Variants in SPEN observed in about 807,000 individuals in gnomAD.
SPEN encodes spen family transcriptional repressor.
SPEN carries 18 observed loss-of-function variants against 269.9 expected under a neutral mutation model. That is an observed-to-expected ratio of 0.07 (90% CI 0.05 to 0.10). The LOEUF is 0.10. SPEN is among the 10% of genes least tolerant of loss of function. SPEN has a pLI of 1.00. For synonymous variants in SPEN, 1,726 were observed against 1,765.7 expected, an observed-to-expected ratio of 0.98 and a Z score of 0.56; for missense variants, 3,822 against 4,631.2, an observed-to-expected ratio of 0.83 and a Z score of 5.07.
At chr1:15,902,962 TA>T (rs549279316) in intron 3 of SPEN, among the ~76,000 whole-genome samples, 6 of 149,182 alleles carry the variant, frequency 4.0e-5, no homozygotes, top group Non-Finnish European at 6.0e-5. Context: ...CTTCCAGCTT[TA>T]AAAAAAAAAC....
intron 3 of SPEN, among the ~76,000 whole-genome samples, chr1:15,880,660 T>A (rs1249533871): frequency 1.3e-5 from 2 of 152,066 alleles, no homozygotes; most frequent in Non-Finnish European, 2.9e-5. Context: ...TTTCACTACA[T>A]TGGCTAGGCT....
chr1:15,909,538 A>G, intron 4 of SPEN, 57 bp downstream of exon 4: 6 of 1,473,680 alleles, frequency 4.1e-6, no homozygotes, highest in Non-Finnish European at 4.6e-6. Context: ...ATGAGGTATG[A>G]TACTGCATTA....
rs781507353 is a variant in SPEN, at chr1:15,929,120, C to T, written c.2880C>T (p.Ala960=). ...TGGAGAAGGAAGGCAGGCTTAAAGC[C>T]AGGAAGCACCTCAAGCCTGAGCAGC... ...EVVEKEGRLK[A]RKHLKPEQPA... is the part of the protein sequence containing the mutation. The change falls in exon 11 of 15, where the codon GCC becomes GCT. Residue 960 remains alanine, a synonymous_variant. Coordinates refer to ENST00000375759, the MANE Select transcript of SPEN (RefSeq NM_015001.3). The surrounding 1 kb of genome is among the most constrained non-coding windows in gnomAD (Gnocchi z 5.8). 1 of 1,614,150 alleles carries T rather than the reference C, an allele frequency of 6.2e-7. No homozygotes were observed. The highest frequency in any genetic ancestry group is 2.2e-5 in the East Asian group (1 of 44,886).
chr1:15,921,742 T>C (rs2071121838), intron 9 of SPEN, among the ~76,000 whole-genome samples: 1 of 152,240 alleles, frequency 6.6e-6, no homozygotes, highest in Admixed American at 6.5e-5. Context: ...GTATTCATGG[T>C]AGTTTGAAGG....
chr1:15,878,080 T>C (rs2070650225), intron 3 of SPEN, among the ~76,000 whole-genome samples: 1 of 152,028 alleles, frequency 6.6e-6, no homozygotes, highest in South Asian at 2.1e-4. Flanking sequence ...CTTAATAAAG[T>C]TATTGTGAAA....
At position 15,938,804 on chromosome 1, in the gene SPEN, T is replaced by G; in HGVS notation, c.10791T>G (p.Ala3597=). 1 of 1,614,146 alleles carries G rather than the reference T, an allele frequency of 6.2e-7. No homozygotes were observed. Residue 3597 remains alanine (A), a synonymous_variant, in exon 14 of 15, where the codon GCT becomes GCG. Transcript: ENST00000375759. The part of the protein sequence containing the change: ...DVVSQTESLK[A]AFITYLQAKQ... Reference sequence around the variant, plus strand: ...TGAGCCAGACCGAGTCCCTCAAGGCTGCCTTCATCACTTACCTGCAGGCCA... The same window carrying G: ...TGAGCCAGACCGAGTCCCTCAAGGCGGCCTTCATCACTTACCTGCAGGCCA...
intron 2 of SPEN, among the ~76,000 whole-genome samples, chr1:15,875,428 A>G (rs965448046): frequency 1.3e-5 from 2 of 152,324 alleles, no homozygotes; most frequent in South Asian, 2.1e-4. Context: ...AAGAAATTGA[A>G]TCATGGAATA....
rs1267983843 is a variant in SPEN at position 15,931,729 on chromosome 1, C to T, written c.5489C>T (p.Ala1830Val). 3 of 1,614,182 alleles carry T rather than the reference C, an allele frequency of 1.9e-6. No individual in the cohort carries two copies. The highest frequency in any genetic ancestry group is 1.7e-5 in the Admixed American group (1 of 60,012). ...AAGCGTTCAAAGACCCCTGTTCAGG[C>T]AGCTGCAGTGAGTATCGTGGAGAAG... Reference protein sequence around the residue: ...KSKRSKTPVQAAAVSIVEKPV... With the variant: ...KSKRSKTPVQVAAVSIVEKPV... Residue 1830 changes from alanine (A) to valine (V), a missense_variant, in exon 11 of 15, where the codon GCA becomes GTA. Ala to Val is a moderately conservative substitution (Grantham distance 64). Around this residue, in one of 16 missense-constraint regions of SPEN, gnomAD observed 533 missense variants for 618.8 expected, o/e 0.86. Coordinates refer to ENST00000375759, the MANE Select transcript of SPEN (RefSeq NM_015001.3). The surrounding 1 kb of genome is among the most constrained non-coding windows in gnomAD (Gnocchi z 4.8).
chr1:15,881,101 TG>T (rs1157436214), intron 3 of SPEN, among the ~76,000 whole-genome samples: 1 of 152,176 alleles, frequency 6.6e-6, no homozygotes, highest in African/African-American at 2.4e-5. Flanking sequence ...CCTGAGTAGC[TG>T]GGATTATAGG....
chr1:15,894,828 C>T (rs940986778), intron 3 of SPEN, among the ~76,000 whole-genome samples: 15 of 151,848 alleles, frequency 9.9e-5, no homozygotes, highest in African/African-American at 3.4e-4. Flanking sequence ...CCACCGCGCC[C>T]GGCCCATATT....
chr1:15,854,161 A>G (rs2070363397), intron 1 of SPEN, among the ~76,000 whole-genome samples: 1 of 152,124 alleles, frequency 6.6e-6, no homozygotes, highest in Non-Finnish European at 1.5e-5. Flanking sequence ...AACCATCCAC[A>G]GTATTTAGAG....
At chr1:15,867,938 A>G (rs752256086) in intron 1 of SPEN, among the ~76,000 whole-genome samples, 8 of 152,004 alleles carry the variant, frequency 5.3e-5, no homozygotes, top group African/African-American at 7.2e-5. Context: ...GGATCAAGCA[A>G]TCCTCCTGCT....
Position 15,928,949 on chromosome 1 carries a change from T to C in SPEN, c.2709T>C (p.Leu903=). ...HTPVEKLKAK[L]DNDTVKSSAL... ...CTGTGGAAAAGTTGAAAGCCAAGCT[T>C]GATAATGACACTGTCAAATCTTCTG... Residue 903 remains leucine (L), a synonymous_variant, in exon 11 of 15, where the codon CTT becomes CTC. Coordinates refer to ENST00000375759, the MANE Select transcript of SPEN (RefSeq NM_015001.3). This position sits in a 1 kb window ranked among gnomAD's most constrained non-coding sequence, Gnocchi z 5.7. 2 of 1,614,224 alleles carry C rather than the reference T, an allele frequency of 1.2e-6. No individual in the cohort carries two copies. The highest frequency in any genetic ancestry group is 4.5e-5 in the East Asian group (2 of 44,888).
intron 3 of SPEN, among the ~76,000 whole-genome samples, chr1:15,881,893 A>G (rs1306573860): frequency 6.6e-6 from 1 of 152,228 alleles, no homozygotes; most frequent in Admixed American, 6.5e-5. Context: ...AAAGATGTTT[A>G]AAGTTAGCAC....
chr1:15,885,323 C>G (rs75180349), intron 3 of SPEN, among the ~76,000 whole-genome samples: 5,296 of 152,060 alleles, frequency 0.035, 299 homozygotes, highest in African/African-American at 0.12. Context: ...TTTAGATCGT[C>G]TAGAGGTTTC....
At chr1:15,899,132 C>G (rs2070873442) in intron 3 of SPEN, among the ~76,000 whole-genome samples, 1 of 152,116 alleles carries the variant, frequency 6.6e-6, no homozygotes. Flanking sequence ...CAGTAATGCA[C>G]AAGGGTTCCA....
rs1180801612 is a variant in SPEN at position 15,852,054 on chromosome 1, TG to T, written c.83+3906del. 5.3e-5 allele frequency among the ~76,000 whole-genome samples: 8 copies of T among 152,240 alleles called. 1 individual carries two copies. The highest frequency in any genetic ancestry group is 1.9e-4 in the African/African-American group (8 of 41,468). On this transcript the variant is annotated intron_variant, in intron 1 of 14. Coordinates refer to ENST00000375759, the MANE Select transcript of SPEN (RefSeq NM_015001.3). ...GCTGATTTAAAATGTTTGATCACAG[TG>T]GTTTTCCTGAGTTAAATAGATGGAA... is the stretch of plus-strand genomic sequence containing the variant.
intron 3 of SPEN, among the ~76,000 whole-genome samples, chr1:15,898,167 T>A (rs112161446): frequency 0.038 from 5,269 of 139,624 alleles, 297 homozygotes; most frequent in African/African-American, 0.14. Context: ...ACTTCTTAAT[T>A]TATCTTTGTG....
intron 3 of SPEN, among the ~76,000 whole-genome samples, chr1:15,887,857 C>G (rs1336892794): frequency 6.7e-6 from 1 of 150,246 alleles, no homozygotes; most frequent in African/African-American, 2.4e-5. Context: ...CCAGTCTCTA[C>G]GAAAAAAATA....
Sources: allele counts gnomAD v4.1 joint callset (sites outside exome capture counted in the v4.1 genomes callset), GRCh38; gene constraint gnomAD v4.1.1; regional missense constraint gnomAD v4.1.1; non-coding constraint Gnocchi (gnomAD v3.1); transcripts MANE v1.5; gene names NCBI Gene and HGNC (gene_info 2026-07-23, HGNC 2026-07-21).